Variants in ESR1 observed in about 807,000 individuals in gnomAD.
ESR1 encodes estrogen receptor 1, also known as estrogen receptor.
A neutral mutation model predicts 52.7 loss-of-function variants in ESR1; 12 were observed. The observed-to-expected ratio is 0.23, with a 90% CI of 0.15 to 0.37. The LOEUF (loss-of-function observed/expected upper bound fraction) is 0.37. Ranked by LOEUF, ESR1 falls within the 10% of genes least tolerant of loss-of-function variation. The probability of loss-of-function intolerance (pLI) is 1.00; values close to 1 mark genes in which losing one functional copy is unlikely to be tolerated. For missense variants in ESR1, 584 were observed against 779.7 expected (o/e 0.75, Z 2.99); for synonymous variants, 305 against 316.8 (o/e 0.96, Z 0.39).
chr6:151,787,808 AC>A (rs1166663350), intron 2 of ESR1, among the ~76,000 whole-genome samples: 2 of 151,954 alleles, frequency 1.3e-5, no homozygotes, highest in African/African-American at 4.8e-5. Context: ...TAGTTTGACT[AC>A]CTCTCTTTCT....
intron 3 of ESR1, among the ~76,000 whole-genome samples, chr6:151,924,674 G>A (rs1446683089): frequency 6.6e-6 from 1 of 152,096 alleles, no homozygotes; most frequent in African/African-American, 2.4e-5. Flanking sequence ...ACTTAAAAGT[G>A]AGAACATGCA....
At chr6:151,941,016 C>T (rs552543637) in intron 3 of ESR1, among the ~76,000 whole-genome samples, 2 of 152,210 alleles carry the variant, frequency 1.3e-5, no homozygotes, top group South Asian at 2.1e-4. Flanking sequence ...GGTAATACTA[C>T]GTTTCGTTTT....
chr6:151,948,635 T>A (rs566255805), intron 4 of ESR1, among the ~76,000 whole-genome samples: 1 of 152,190 alleles, frequency 6.6e-6, no homozygotes, highest in Non-Finnish European at 1.5e-5. Context: ...TAATCAACAC[T>A]CTAGAAGGCC....
At chr6:151,716,187 G>A (rs1000728642) in intron 2 of ESR1, among the ~76,000 whole-genome samples, 1 of 152,152 alleles carries the variant, frequency 6.6e-6, no homozygotes, top group Non-Finnish European at 1.5e-5. Flanking sequence ...ATTGCTGCCT[G>A]TTCCTTCCTC....
intron 6 of ESR1, among the ~76,000 whole-genome samples, chr6:152,062,380 C>T (rs148255232): frequency 8.5e-5 from 13 of 152,270 alleles, no homozygotes; most frequent in Non-Finnish European, 1.5e-4. Context: ...ACCTGTGTTG[C>T]CTAATGGTTA....
chr6:151,669,415 C>T (rs1431675255), intron 1 of ESR1, among the ~76,000 whole-genome samples: 1 of 151,976 alleles, frequency 6.6e-6, no homozygotes, highest in East Asian at 1.9e-4. Context: ...CAATGATGTC[C>T]TCGAGAAACC....
chr6:152,029,987 A>C (rs1294998281), intron 5 of ESR1, among the ~76,000 whole-genome samples: 1 of 152,194 alleles, frequency 6.6e-6, no homozygotes, highest in East Asian at 1.9e-4. Context: ...GGCCGATATT[A>C]CACATTCTTA....
chr6:152,018,863 A>G (rs553092206), intron 5 of ESR1, among the ~76,000 whole-genome samples: 21 of 151,952 alleles, frequency 1.4e-4, no homozygotes, highest in African/African-American at 5.1e-4. Flanking sequence ...GCCAACACTT[A>G]CTTAACTGCT....
At chr6:151,795,557 T>C (rs1356641222) in intron 2 of ESR1, among the ~76,000 whole-genome samples, 1 of 151,644 alleles carries the variant, frequency 6.6e-6, no homozygotes, top group African/African-American at 2.4e-5. Flanking sequence ...AAAGTGTCAG[T>C]TAAAACTGCA....
chr6:151,681,182 T>C (rs767818249), intron 1 of ESR1, among the ~76,000 whole-genome samples: 3 of 152,234 alleles, frequency 2.0e-5, no homozygotes, highest in Admixed American at 6.5e-5. Context: ...TTTTGATGTG[T>C]TGGTCAAGCC....
At chr6:151,872,597 A>G (rs558120623) in intron 2 of ESR1, among the ~76,000 whole-genome samples, 46 of 152,338 alleles carry the variant, frequency 3.0e-4, no homozygotes, top group African/African-American at 1.1e-3. Context: ...TCTTCTTTCT[A>G]TAACAAATTC....
chr6:151,835,675 C>T (rs531154963), intron 1 of ESR1, among the ~76,000 whole-genome samples: 7 of 152,124 alleles, frequency 4.6e-5, no homozygotes, highest in African/African-American at 1.4e-4. Flanking sequence ...AATATGTGGG[C>T]GAGTGTAGTG....
rs1189620136 is a variant in ESR1, at chr6:152,098,633, G to A, written c.1554-99G>A. 8.5e-6 allele frequency: 8 copies of A among 937,664 alleles called. No homozygotes were observed. Among genetic ancestry groups the A allele is most frequent in the Non-Finnish European group, 1.4e-5 (8 of 590,672 alleles). The allele number at this position is 937,664 out of a possible 1,614,324, so 58.1% of individuals were successfully genotyped here. ...CAGGAAGAAAGAAAGATTGCTAAGT[G>A]TCTTTGGAGTTCCTCTTCCTTCCCC... On this transcript the variant is annotated intron_variant, in intron 7 of 7. Transcript: ENST00000206249. The surrounding 1 kb of genome is among the most constrained non-coding windows in gnomAD (Gnocchi z 5.1).
chr6:151,942,632 A>G (rs955315221), intron 3 of ESR1, among the ~76,000 whole-genome samples: 3 of 151,032 alleles, frequency 2.0e-5, no homozygotes, highest in African/African-American at 7.3e-5. Context: ...GTCATTTAAT[A>G]TATTATATAT....
chr6:151,960,951 A>G (rs1485064937), intron 4 of ESR1, among the ~76,000 whole-genome samples: 1 of 152,148 alleles, frequency 6.6e-6, no homozygotes, highest in Non-Finnish European at 1.5e-5. Context: ...GAATTCAGTT[A>G]TGGATGATTA....
intron 5 of ESR1, among the ~76,000 whole-genome samples, chr6:152,016,198 T>C (rs1382505817): frequency 6.6e-6 from 1 of 152,168 alleles, no homozygotes; most frequent in African/African-American, 2.4e-5. Context: ...TTATGAGGCC[T>C]CCTCAGCCAT....
At chr6:151,694,720 G>C (rs1779199326) in intron 1 of ESR1, among the ~76,000 whole-genome samples, 1 of 151,866 alleles carries the variant, frequency 6.6e-6, no homozygotes, top group African/African-American at 2.4e-5. Flanking sequence ...CCGCGAAGTG[G>C]AGGTTGCAGT....
intron 2 of ESR1, among the ~76,000 whole-genome samples, chr6:151,868,731 A>G (rs1790412976): frequency 6.6e-6 from 1 of 151,956 alleles, no homozygotes; most frequent in Non-Finnish European, 1.5e-5. Context: ...GGTTGATTCC[A>G]TGTCTTTGCT....
chr6:152,000,696 C>T (rs1187900345), intron 4 of ESR1, among the ~76,000 whole-genome samples: 2 of 152,038 alleles, frequency 1.3e-5, no homozygotes, highest in African/African-American at 2.4e-5. Flanking sequence ...ACACCTCCTT[C>T]TCTGCCTTGC....
Sources: gnomAD v4.1 joint callset for allele counts (sites outside exome capture counted in the v4.1 genomes callset) on GRCh38, gnomAD v4.1.1 for gene constraint, Gnocchi (gnomAD v3.1) non-coding constraint, MANE v1.5 for transcripts, NCBI Gene and HGNC (gene_info 2026-07-23, HGNC 2026-07-21) for gene names.